Variants in FNDC3B observed in about 807,000 individuals in gnomAD.
FNDC3B encodes fibronectin type III domain-containing protein 3B.
FNDC3B carries 12 observed loss-of-function variants against 151.5 expected under a neutral mutation model. That is an observed-to-expected ratio of 0.08 (90% confidence interval 0.05 to 0.13). The LOEUF (loss-of-function observed/expected upper bound fraction) is 0.13, where lower values mean the gene tolerates loss of function less well. FNDC3B is among the 10% of genes least tolerant of loss of function. The pLI is 1.00. For missense variants in FNDC3B, 1,214 were observed against 1,505.3 expected, an observed-to-expected ratio of 0.81 and a Z score of 3.20; for synonymous variants, 528 against 549.0, an observed-to-expected ratio of 0.96 and a Z score of 0.54.
Position 172,119,169 on chromosome 3 carries a change from TAAAAAAA to T in FNDC3B, c.111+6596_111+6602del, listed in dbSNP as rs555243695. Reference sequence around the variant, plus strand: ...TGGGTGACACAGTGAGACTCTGCCTTAAAAAAAAAAAAAAAAAAAAAAAGAATGAGAG... The same window carrying T: ...TGGGTGACACAGTGAGACTCTGCCTTAAAAAAAAAAAAAAAAGAATGAGAG... On this transcript the variant is annotated intron_variant, in intron 2 of 25. Transcript: ENST00000415807. 2.4e-3 allele frequency among the ~76,000 whole-genome samples: 250 copies of T among 102,158 alleles called. 1 individual carries two copies. The highest frequency in any genetic ancestry group is 3.8e-3 in the Non-Finnish European group (195 of 50,828). 67.0% of individuals were successfully genotyped at this position (102,158 alleles called of 152,430 possible).
intron 12 of FNDC3B, 116 bp downstream of exon 12, chr3:172,329,192 G>T: frequency 2.4e-6 from 3 of 1,242,390 alleles, no homozygotes; most frequent in Non-Finnish European, 3.4e-6. Context: ...ATCAACTGGA[G>T]GTTTTCCAAG....
intron 20 of FNDC3B, 101 bp downstream of exon 20, chr3:172,346,541 G>T (rs1733623698): frequency 7.4e-5 from 35 of 469,866 alleles, no homozygotes; most frequent in Non-Finnish European, 8.6e-5. Flanking sequence ...TGCACATATA[G>T]ATGATTTTTT....
chr3:172,157,784 C>T (rs1468664464), intron 3 of FNDC3B, among the ~76,000 whole-genome samples: 1 of 152,150 alleles, frequency 6.6e-6, no homozygotes, highest in Non-Finnish European at 1.5e-5. Context: ...TGTTGAAGGA[C>T]ATTTGATAGT....
chr3:172,242,819 C>A lies in FNDC3B; in HGVS notation c.265-4714C>A, dbSNP rs1291225508. On this transcript the variant is annotated intron_variant, in intron 4 of 25. Coordinates refer to ENST00000415807, the MANE Select transcript of FNDC3B (RefSeq NM_022763.4). ...TTTCTGCAGTGGGCTTGAATTTCTCCTCAGAAAATGGGATTTTCTTTTCTA... is the reference window on the plus strand; with the variant it reads ...TTTCTGCAGTGGGCTTGAATTTCTCATCAGAAAATGGGATTTTCTTTTCTA... Among the ~76,000 whole-genome samples the A allele has an allele frequency of 2.0e-5, 3 of 152,310 alleles. No homozygotes were observed. The East Asian group carries it at 5.8e-4, about 29-fold the overall frequency.
At chr3:172,195,211 C>T (rs1336109955) in intron 3 of FNDC3B, among the ~76,000 whole-genome samples, 2 of 151,926 alleles carry the variant, frequency 1.3e-5, no homozygotes, top group Non-Finnish European at 2.9e-5. Context: ...CCCCTCTTAA[C>T]TTAGCATTCC....
intron 3 of FNDC3B, among the ~76,000 whole-genome samples, chr3:172,204,001 C>T (rs1019110490): frequency 6.6e-6 from 1 of 152,172 alleles, no homozygotes; most frequent in Non-Finnish European, 1.5e-5. Context: ...GGGCCGCCAG[C>T]GTCTCGTTCT....
At chr3:172,309,021 C>CA (rs1479535640) in intron 10 of FNDC3B, among the ~76,000 whole-genome samples, 1 of 152,194 alleles carries the variant, frequency 6.6e-6, no homozygotes, top group Non-Finnish European at 1.5e-5. Context: ...AGGTCTCAGG[C>CA]AGACCAGCAA....
intron 1 of FNDC3B, among the ~76,000 whole-genome samples, chr3:172,046,424 A>G (rs972013290): frequency 4.0e-5 from 6 of 151,784 alleles, no homozygotes; most frequent in Non-Finnish European, 8.8e-5. Context: ...TCCTGGGCTC[A>G]AGTGATCCTT....
rs376138098 is a variant in FNDC3B at position 172,212,982 on chromosome 3, C to T, written c.188-13889C>T. Among the ~76,000 whole-genome samples, 122 of 152,140 alleles carry T rather than the reference C, an allele frequency of 8.0e-4. 2 individuals are homozygous for T. The South Asian group carries it at 0.025, about 31-fold the overall frequency. ...CAATTCAGTTGAGATTAATTGGGTA[C>T]ATGTATTTTCTGGTTGTGGCTTTTC... On this transcript the variant is annotated intron_variant, in intron 3 of 25. Transcript: ENST00000415807.
chr3:172,383,089 TC>T (rs2108376682), intron 25 of FNDC3B, among the ~76,000 whole-genome samples: 1 of 152,362 alleles, frequency 6.6e-6, no homozygotes, highest in South Asian at 2.1e-4. Flanking sequence ...TATTGATTCT[TC>T]CTATCCACGA....
Position 172,195,821 on chromosome 3 carries a change from C to T in FNDC3B, c.188-31050C>T, listed in dbSNP as rs529244080. 8.4e-4 allele frequency among the ~76,000 whole-genome samples: 128 copies of T among 152,272 alleles called. 2 individuals carry two copies. The highest frequency in any genetic ancestry group is 2.9e-3 in the African/African-American group (121 of 41,542). On this transcript the variant is annotated intron_variant, in intron 3 of 25. Coordinates refer to ENST00000415807, the MANE Select transcript of FNDC3B (RefSeq NM_022763.4). ...AGGCTTTGGAATTCCAGTCAGAGTG[C>T]CTGGACCCAATTTTGGGTCTTCTGC...
chr3:172,117,594 T>C (rs879589017), intron 2 of FNDC3B, among the ~76,000 whole-genome samples: 2 of 152,218 alleles, frequency 1.3e-5, no homozygotes, highest in Non-Finnish European at 2.9e-5. Context: ...AGTTTACTGA[T>C]TTGTTAATTT....
intron 2 of FNDC3B, among the ~76,000 whole-genome samples, chr3:172,113,838 A>G (rs931524482): frequency 6.6e-6 from 1 of 151,668 alleles, no homozygotes; most frequent in East Asian, 1.9e-4. Context: ...CGCCCACTTT[A>G]CAGTCTTCAC....
intron 11 of FNDC3B, among the ~76,000 whole-genome samples, chr3:172,317,585 C>CCT (rs1352901316): frequency 6.6e-6 from 1 of 152,218 alleles, no homozygotes; most frequent in African/African-American, 2.4e-5. Flanking sequence ...AACGCCTTAG[C>CCT]CTCGGCCTTT....
At chr3:172,392,810 C>CTTTCTTTTTTTTTTT (rs1491505881) in intron 25 of FNDC3B, among the ~76,000 whole-genome samples, 6 of 99,900 alleles carry the variant, frequency 6.0e-5, no homozygotes, top group African/African-American at 1.4e-4. Context: ...TTTTTTTTTT[C>CTTTCTTTTTTTTTTT]TTTTTTTTTT....
intron 6 of FNDC3B, among the ~76,000 whole-genome samples, chr3:172,283,843 CAG>C (rs1729866872): frequency 6.6e-6 from 1 of 152,054 alleles, no homozygotes; most frequent in Admixed American, 6.5e-5. Flanking sequence ...TTTATGGATA[CAG>C]TTTATACCTT....
At chr3:172,139,326 T>G (rs1330372808) in intron 3 of FNDC3B, among the ~76,000 whole-genome samples, 1 of 152,214 alleles carries the variant, frequency 6.6e-6, no homozygotes. Context: ...ATGACAAGAA[T>G]GGTGTCATAG....
chr3:172,376,866 GAAAGAAAAGAAAAGAA>G (rs1177432116), intron 23 of FNDC3B, among the ~76,000 whole-genome samples: 15 of 79,306 alleles, frequency 1.9e-4, no homozygotes, highest in African/African-American at 6.3e-4. Flanking sequence ...AAAAAAAAAA[GAAAGAAAAGAAAAGAA>G]AAAGAAAAGA....
In FNDC3B at chr3:172,140,763, A is replaced by T. The variant is rs942210254; in HGVS notation, c.187+7217A>T. ...TACCAAACTATGTTGCTTTCCTAGG[A>T]GGTTTTAAGTCCCTCTCAAGGGAGG... On this transcript the variant is annotated intron_variant, in intron 3 of 25. Coordinates refer to ENST00000415807, the MANE Select transcript of FNDC3B (RefSeq NM_022763.4). 3.9e-5 allele frequency among the ~76,000 whole-genome samples: 6 copies of T among 152,152 alleles called. No homozygotes were observed. In the East Asian group the frequency reaches 9.6e-4, roughly 24 times the overall value.
Sources: allele counts gnomAD v4.1 joint callset (sites outside exome capture counted in the v4.1 genomes callset), GRCh38; gene constraint gnomAD v4.1.1; transcripts MANE v1.5; gene names NCBI Gene and HGNC (gene_info 2026-07-23, HGNC 2026-07-21).